Variants in RFX8 observed in about 807,000 individuals in gnomAD.
RFX8 encodes DNA-binding protein RFX8.
RFX8 carries 46 observed loss-of-function variants against 54.6 expected under a neutral mutation model. That is an observed-to-expected ratio of 0.84 (90% CI 0.67 to 1.08). RFX8 has a LOEUF of 1.08. Among genes scored for constraint, RFX8 ranks in the 50% least tolerant of loss-of-function variants. RFX8 has a pLI of 0.00. For synonymous variants in RFX8, 192 were observed against 209.5 expected (o/e 0.92, Z 0.72); for missense variants, 536 against 562.3 (o/e 0.95, Z 0.47).
At chr2:101,452,074 C>T (rs771860742) in intron 2 of RFX8, among the ~76,000 whole-genome samples, 26 of 152,314 alleles carry the variant, frequency 1.7e-4, no homozygotes, top group Non-Finnish European at 2.5e-4. Context: ...GCCTGGGCAA[C>T]AGTTGCATTA....
rs557929872 is a variant in RFX8, at chr2:101,443,208, T to A, written c.73-20736A>T. On this transcript the variant is annotated intron_variant, in intron 2 of 11. Transcript: ENST00000428343. The stretch of plus-strand genomic sequence containing the variant: ...TGCTGCGGTGCTGATTGTACAGTCC[T>A]GGGTCCCAAACCAGCTCACTCTCTT... Among the ~76,000 whole-genome samples, 211 of 152,264 alleles carry A rather than the reference T, an allele frequency of 1.4e-3. 2 individuals are homozygous for A. Among genetic ancestry groups the A allele is most frequent in the African/African-American group, 4.5e-3 (185 of 41,562 alleles).
chr2:101,438,802 TTA>T (rs1277652862), intron 2 of RFX8, among the ~76,000 whole-genome samples: 4 of 152,126 alleles, frequency 2.6e-5, no homozygotes, highest in Non-Finnish European at 5.9e-5. Context: ...CATTGTGGTT[TTA>T]TGTTTTATTT....
intron 2 of RFX8, among the ~76,000 whole-genome samples, chr2:101,459,193 C>T (rs941337265): frequency 2.6e-5 from 4 of 152,108 alleles, no homozygotes; most frequent in Non-Finnish European, 5.9e-5. Context: ...TTATTACCGA[C>T]CTTCTGAAGC....
At chr2:101,411,796 A>G (rs1686147373) in intron 8 of RFX8, among the ~76,000 whole-genome samples, 1 of 152,148 alleles carries the variant, frequency 6.6e-6, no homozygotes, top group Admixed American at 6.5e-5. Flanking sequence ...AGCAGAGGTC[A>G]TTTACCAACA....
At chr2:101,468,961 CAT>C (rs199736297) in intron 1 of RFX8, among the ~76,000 whole-genome samples, 3 of 134,734 alleles carry the variant, frequency 2.2e-5, no homozygotes, top group Non-Finnish European at 3.1e-5. Context: ...ATATAGCCAG[CAT>C]ATATATATAT....
chr2:101,419,959 C>G (rs560961931), intron 4 of RFX8, among the ~76,000 whole-genome samples: 19 of 152,218 alleles, frequency 1.2e-4, no homozygotes, highest in African/African-American at 4.6e-4. Context: ...CCCCTCACCA[C>G]CCGCGTCCAA....
At chr2:101,404,702 C>T (rs1239692213) in intron 10 of RFX8, among the ~76,000 whole-genome samples, 2 of 152,086 alleles carry the variant, frequency 1.3e-5, no homozygotes, top group African/African-American at 2.4e-5. Context: ...GCTGGGATTA[C>T]AGGTGTGAGC....
rs1380782299 is a variant in RFX8 at position 101,443,957 on chromosome 2, G to A, written c.73-21485C>T. Reference sequence around the variant, plus strand: ...CCCACACCCAGAGCACTGGCAGTCCGGATCAGGATCAGCCTGCCTGCCAGT... The same window carrying A: ...CCCACACCCAGAGCACTGGCAGTCCAGATCAGGATCAGCCTGCCTGCCAGT... On this transcript the variant is annotated intron_variant, in intron 2 of 11. Coordinates refer to ENST00000428343, the MANE Select transcript of RFX8 (RefSeq NM_001145664.2). Among the ~76,000 whole-genome samples, 6 of 152,028 alleles carry A rather than the reference G, an allele frequency of 3.9e-5. No individual in the cohort carries two copies. In the South Asian group the frequency reaches 1.2e-3, roughly 31 times the overall value.
chr2:101,431,153 T>A (rs1687463155), intron 2 of RFX8, among the ~76,000 whole-genome samples: 1 of 141,426 alleles, frequency 7.1e-6, no homozygotes, highest in African/African-American at 2.6e-5. Context: ...CATCCAACCA[T>A]CATCAATCCA....
intron 2 of RFX8, among the ~76,000 whole-genome samples, chr2:101,454,947 G>T (rs1688885552): frequency 6.6e-6 from 1 of 151,576 alleles, no homozygotes. Flanking sequence ...ATTGCTTTTG[G>T]TGTTTTAGTC....
At chr2:101,432,794 G>A (rs1043746419) in intron 2 of RFX8, among the ~76,000 whole-genome samples, 15 of 152,346 alleles carry the variant, frequency 9.8e-5, no homozygotes, top group Admixed American at 4.6e-4. Context: ...TCCAAAAGGC[G>A]TCTTCTCCAC....
chr2:101,437,273 CA>C (rs1307881742), intron 2 of RFX8, among the ~76,000 whole-genome samples: 16 of 150,946 alleles, frequency 1.1e-4, no homozygotes, highest in African/African-American at 3.9e-4. Flanking sequence ...CCGTCTCTTA[CA>C]AAAAAAATAA....
chr2:101,443,219 C>G (rs930979663), intron 2 of RFX8, among the ~76,000 whole-genome samples: 1 of 152,122 alleles, frequency 6.6e-6, no homozygotes, highest in Non-Finnish European at 1.5e-5. Context: ...GGGTCCCAAA[C>G]CAGCTCACTC....
rs1421194518 is a variant in RFX8 at position 101,402,437 on chromosome 2, T to G, written c.1244A>C (p.Lys415Thr). 9.1e-6 allele frequency: 14 copies of G among 1,544,488 alleles called. No individual in the cohort carries two copies. The highest frequency in any genetic ancestry group is 7.4e-5 in the East Asian group (3 of 40,742). The change falls in exon 11 of 12, where the codon AAG becomes ACG. Residue 415 changes from lysine (K) to threonine (T), a missense_variant and splice_region_variant. Lys to Thr is a moderately conservative substitution (Grantham distance 78). Coordinates refer to ENST00000428343, the MANE Select transcript of RFX8 (RefSeq NM_001145664.2). ...GFLVDTAMGN[K>T]LIQVLLEDET... ...GGAAGGGGGTCCTGGTGTCCCTACC[T>G]TATTGCCCATGGCAGTGTCCACCAG...
At chr2:101,416,393 A>G (rs1404755016) in intron 6 of RFX8, among the ~76,000 whole-genome samples, 1 of 152,176 alleles carries the variant, frequency 6.6e-6, no homozygotes, top group Non-Finnish European at 1.5e-5. Flanking sequence ...TCCAAGTGGG[A>G]CAAACTGGAT....
intron 10 of RFX8, among the ~76,000 whole-genome samples, chr2:101,403,268 C>T (rs995015223): frequency 1.3e-5 from 2 of 152,158 alleles, no homozygotes; most frequent in Non-Finnish European, 1.5e-5. Flanking sequence ...TGGCATTCCA[C>T]CTGTGAGAGG....
At chr2:101,438,317 A>G (rs1355952971) in intron 2 of RFX8, among the ~76,000 whole-genome samples, 1 of 152,160 alleles carries the variant, frequency 6.6e-6, no homozygotes, top group Admixed American at 6.5e-5. Context: ...ATCTCATTCT[A>G]TTTTACAGCT....
chr2:101,459,867 T>C (rs556381484), intron 2 of RFX8, among the ~76,000 whole-genome samples: 69 of 152,336 alleles, frequency 4.5e-4, no homozygotes, highest in Non-Finnish European at 7.1e-4. Context: ...GCAGTAGGGC[T>C]TGTTGCACTG....
At chr2:101,445,727 G>A (rs1325129856) in intron 2 of RFX8, among the ~76,000 whole-genome samples, 1 of 152,054 alleles carries the variant, frequency 6.6e-6, no homozygotes, top group Non-Finnish European at 1.5e-5. Context: ...ACTATGCCTG[G>A]TCTATTGTCC....
Sources: gnomAD v4.1 joint callset for allele counts (sites outside exome capture counted in the v4.1 genomes callset) on GRCh38, gnomAD v4.1.1 for gene constraint, MANE v1.5 for transcripts, NCBI Gene and HGNC (gene_info 2026-07-23, HGNC 2026-07-21) for gene names.